Variants in FAM13A observed in about 807,000 individuals in gnomAD.
FAM13A encodes the protein family with sequence similarity 13 member A.
In FAM13A, 76 loss-of-function variants were observed where a neutral mutation model predicts 129.6. That is an observed-to-expected ratio of 0.59 (90% CI 0.49 to 0.71). The LOEUF (loss-of-function observed/expected upper bound fraction) is 0.71, where lower values mean the gene tolerates loss of function less well. Ranked by LOEUF, FAM13A falls within the 30% of genes least tolerant of loss-of-function variation. The pLI is 0.00. For synonymous variants in FAM13A, 443 were observed against 449.9 expected (o/e 0.98, Z 0.20); for missense variants, 1,108 against 1,249.3 (o/e 0.89, Z 1.70).
At chr4:88,996,996 G>C (rs553359846) in intron 3 of FAM13A, among the ~76,000 whole-genome samples, 1 of 152,254 alleles carries the variant, frequency 6.6e-6, no homozygotes, top group East Asian at 1.9e-4. Flanking sequence ...AGAATTTGCT[G>C]AGTTGGATGG....
intron 5 of FAM13A, among the ~76,000 whole-genome samples, chr4:88,906,791 G>T (rs1748247994): frequency 6.6e-6 from 1 of 152,160 alleles, no homozygotes; most frequent in African/African-American, 2.4e-5. Context: ...TTTGAGAAGT[G>T]AATAGTTAAA....
chr4:88,741,353 C>A (rs1740210199), intron 19 of FAM13A, among the ~76,000 whole-genome samples: 1 of 152,152 alleles, frequency 6.6e-6, no homozygotes, highest in Non-Finnish European at 1.5e-5. Flanking sequence ...CATGGATTAA[C>A]CTCATAATAA....
intron 5 of FAM13A, among the ~76,000 whole-genome samples, chr4:88,907,394 G>A (rs946108297): frequency 2.0e-5 from 3 of 151,848 alleles, no homozygotes; most frequent in African/African-American, 4.8e-5. Flanking sequence ...TGGCTAATTC[G>A]TTACAATCTT....
intron 5 of FAM13A, among the ~76,000 whole-genome samples, chr4:88,914,202 A>G (rs1019629156): frequency 6.6e-6 from 1 of 152,192 alleles, no homozygotes; most frequent in Non-Finnish European, 1.5e-5. Context: ...CTATGTGCAC[A>G]GTCACCCCAA....
At chr4:88,918,839 C>T (rs1045745752) in intron 5 of FAM13A, among the ~76,000 whole-genome samples, 2 of 152,164 alleles carry the variant, frequency 1.3e-5, no homozygotes, top group African/African-American at 4.8e-5. Flanking sequence ...GCCTCTCTTC[C>T]AGTTAGATTG....
At chr4:89,037,645 C>T (rs1267633978) in intron 1 of FAM13A, among the ~76,000 whole-genome samples, 1 of 152,110 alleles carries the variant, frequency 6.6e-6, no homozygotes, top group Non-Finnish European at 1.5e-5. Flanking sequence ...GGGCCAGGGA[C>T]AGAATGATAT....
intron 13 of FAM13A, among the ~76,000 whole-genome samples, chr4:88,764,163 T>C (rs1250994386): frequency 1.3e-5 from 2 of 152,222 alleles, no homozygotes; most frequent in Non-Finnish European, 2.9e-5. Flanking sequence ...TTTTCCTTTT[T>C]TTTGAAGCAG....
intron 7 of FAM13A, among the ~76,000 whole-genome samples, chr4:88,845,974 G>A (rs1277823807): frequency 1.3e-5 from 2 of 152,082 alleles, no homozygotes; most frequent in Admixed American, 6.6e-5. Context: ...TGTAACATAA[G>A]CAGACATTTT....
intron 6 of FAM13A, among the ~76,000 whole-genome samples, chr4:88,896,171 C>A (rs1746272701): frequency 6.6e-6 from 1 of 150,832 alleles, no homozygotes; most frequent in South Asian, 2.1e-4. Context: ...ATAGCAAGAA[C>A]AAAAAACCAA....
intron 1 of FAM13A, among the ~76,000 whole-genome samples, chr4:89,032,696 G>T (rs1460922377): frequency 1.3e-5 from 2 of 152,170 alleles, no homozygotes; most frequent in African/African-American, 4.8e-5. Flanking sequence ...ATTTATTGTG[G>T]TTTGGGGACA....
chr4:88,822,186 T>C (rs1732090884), intron 7 of FAM13A, among the ~76,000 whole-genome samples: 1 of 152,172 alleles, frequency 6.6e-6, no homozygotes, highest in African/African-American at 2.4e-5. Context: ...TAGGACAATA[T>C]GATTAGCAAA....
intron 13 of FAM13A, among the ~76,000 whole-genome samples, chr4:88,765,818 C>G (rs549728704): frequency 6.6e-6 from 1 of 152,262 alleles, no homozygotes; most frequent in South Asian, 2.1e-4. Flanking sequence ...AATTTTATGT[C>G]CTAACTGAAA....
chr4:89,044,334 A>T (rs916633636), intron 1 of FAM13A, among the ~76,000 whole-genome samples: 2 of 152,210 alleles, frequency 1.3e-5, no homozygotes, highest in African/African-American at 4.8e-5. Context: ...GCTCAACATC[A>T]CTGGTCTTTA....
At chr4:88,815,732 T>C (rs974375390) in intron 7 of FAM13A, among the ~76,000 whole-genome samples, 26 of 152,184 alleles carry the variant, frequency 1.7e-4, no homozygotes, top group Admixed American at 8.5e-4. Flanking sequence ...AGCTAAGATA[T>C]TGTGTGACCT....
chr4:88,877,644 TTCCTC>T (rs1742778310), intron 6 of FAM13A, among the ~76,000 whole-genome samples: 1 of 152,220 alleles, frequency 6.6e-6, no homozygotes, highest in South Asian at 2.1e-4. Context: ...CTTTGTTTCT[TTCCTC>T]TACTGTCTAT....
At chr4:88,899,395 G>A (rs1024545715) in intron 6 of FAM13A, among the ~76,000 whole-genome samples, 4 of 151,748 alleles carry the variant, frequency 2.6e-5, no homozygotes, top group Admixed American at 2.6e-4. Context: ...ATACTGCTTG[G>A]GTGATAAGTG....
At chr4:89,015,028 G>T (rs543922264) in intron 3 of FAM13A, among the ~76,000 whole-genome samples, 1 of 152,220 alleles carries the variant, frequency 6.6e-6, no homozygotes, top group East Asian at 1.9e-4. Flanking sequence ...TTCCTAGGGG[G>T]TGGTCTCTAA....
chr4:88,754,420 G>A (rs1314920549), intron 14 of FAM13A, among the ~76,000 whole-genome samples: 2 of 152,156 alleles, frequency 1.3e-5, no homozygotes, highest in Non-Finnish European at 2.9e-5. Context: ...TTAGCTGGCT[G>A]GATCCACTTA....
intron 7 of FAM13A, among the ~76,000 whole-genome samples, chr4:88,839,554 T>C (rs954591490): frequency 6.0e-5 from 9 of 149,858 alleles, no homozygotes; most frequent in African/African-American, 2.0e-4. Flanking sequence ...GCTTGTTAAA[T>C]ATTGAAGTGG....
Sources: allele counts gnomAD v4.1 joint callset (sites outside exome capture counted in the v4.1 genomes callset), GRCh38; gene constraint gnomAD v4.1.1; transcripts MANE v1.5; gene names NCBI Gene and HGNC (gene_info 2026-07-23, HGNC 2026-07-21).